WDR41: variants seen among roughly 807,000 people sequenced by gnomAD.
The protein encoded by WDR41 is WD repeat-containing protein 41.
WDR41 carries 63 observed loss-of-function variants against 69.3 expected under a neutral mutation model. That is an observed-to-expected ratio of 0.91 (90% CI 0.74 to 1.12). WDR41 has a LOEUF of 1.12. WDR41 is among the 50% of genes most tolerant of loss of function. The pLI is 0.00. For missense variants in WDR41, 543 were observed against 534.5 expected (o/e 1.02, Z -0.16); for synonymous variants, 185 against 192.1 (o/e 0.96, Z 0.31).
chr5:77,530,001 G>A (rs1289251531), intron 1 of WDR41, among the ~76,000 whole-genome samples: 1 of 147,822 alleles, frequency 6.8e-6, no homozygotes, highest in African/African-American at 2.5e-5. Flanking sequence ...TGTCATAAAG[G>A]CTTCTCTCAA....
intron 1 of WDR41, among the ~76,000 whole-genome samples, chr5:77,552,390 A>C (rs992855947): frequency 1.3e-5 from 2 of 152,232 alleles, no homozygotes; most frequent in African/African-American, 4.8e-5. Flanking sequence ...AAGTCAAAGA[A>C]GACTTAAATA....
rs114860684 is a variant in WDR41 at position 77,577,060 on chromosome 5, G to A, written c.42+43419C>T. Among the ~76,000 whole-genome samples the A allele has an allele frequency of 4.9e-3, 752 of 152,220 alleles. 2 individuals are homozygous for A. Among genetic ancestry groups the A allele is most frequent in the African/African-American group, 0.017 (724 of 41,526 alleles). ...ACTGGGGACTTCACAAGAAGACCAC[G>A]ATTTTTCTCCTCAGCCTAGCCACAA... On this transcript the variant is annotated intron_variant, in intron 1 of 5. Transcript: ENST00000509971.
At chr5:77,491,983 G>C (rs41104) in intron 1 of WDR41, 187 bp downstream of exon 1, 337,669 of 688,690 alleles carry the variant, frequency 0.49, 86,816 homozygotes, top group African/African-American at 0.73. Flanking sequence ...GTCCCGCCGG[G>C]TCTGAGGAGC....
chr5:77,555,704 T>A (rs1020562493), intron 1 of WDR41, among the ~76,000 whole-genome samples: 2 of 152,158 alleles, frequency 1.3e-5, no homozygotes, highest in African/African-American at 4.8e-5. Context: ...AAGATCCTTA[T>A]GAAGAAATTA....
intron 1 of WDR41, among the ~76,000 whole-genome samples, chr5:77,544,488 A>G (rs1196407073): frequency 6.6e-6 from 1 of 152,104 alleles, no homozygotes; most frequent in Non-Finnish European, 1.5e-5. Context: ...ATTTCAAGCA[A>G]AGGGACAATG....
chr5:77,467,087 A>G (rs542947142), intron 2 of WDR41, among the ~76,000 whole-genome samples: 2 of 152,034 alleles, frequency 1.3e-5, no homozygotes, highest in South Asian at 4.1e-4. Context: ...AATACAACCC[A>G]AGAATTCCTA....
chr5:77,450,153 C>T (rs905223245), intron 7 of WDR41, among the ~76,000 whole-genome samples: 6 of 152,170 alleles, frequency 3.9e-5, no homozygotes, highest in Non-Finnish European at 7.4e-5. Flanking sequence ...AGGGTTTCAA[C>T]GGATGTCTTG....
At chr5:77,473,320 A>C (rs952277844) in intron 2 of WDR41, among the ~76,000 whole-genome samples, 7 of 152,242 alleles carry the variant, frequency 4.6e-5, no homozygotes, top group African/African-American at 9.6e-5. Flanking sequence ...CTTAAATGTT[A>C]GACCTAAAAC....
intron 1 of WDR41, among the ~76,000 whole-genome samples, chr5:77,606,666 G>C (rs1036357692): frequency 2.6e-5 from 4 of 151,860 alleles, no homozygotes; most frequent in African/African-American, 9.7e-5. Context: ...ATCCAGGTGT[G>C]GTAGCACACA....
chr5:77,473,299 T>A (rs1357642126), intron 2 of WDR41, among the ~76,000 whole-genome samples: 2 of 152,186 alleles, frequency 1.3e-5, no homozygotes, highest in Non-Finnish European at 2.9e-5. Flanking sequence ...TAATTCAAGA[T>A]GGGTTAAACA....
chr5:77,571,366 G>A (rs770052376), intron 1 of WDR41, among the ~76,000 whole-genome samples: 1 of 151,912 alleles, frequency 6.6e-6, no homozygotes, highest in African/African-American at 2.4e-5. Flanking sequence ...TATTCATGGC[G>A]GGAGGGAAAA....
In WDR41 at chr5:77,432,098, T is replaced by A. The variant is rs903823102; in HGVS notation, c.*1037A>T. Reference sequence around the variant, plus strand: ...AAACTAGTAAAAGAACTTATGGAGATTCCCTTTAGGGTATATTTGTAGTAT... The same window carrying A: ...AAACTAGTAAAAGAACTTATGGAGAATCCCTTTAGGGTATATTTGTAGTAT... On this transcript the variant is annotated 3_prime_UTR_variant, in exon 13 of 13. Transcript: ENST00000296679. 6.6e-6 allele frequency: 1 copy of A among 152,210 alleles called. No individual in the cohort carries two copies. Among genetic ancestry groups the A allele is most frequent in the East Asian group, 1.9e-4 (1 of 5,194 alleles). 9.4% of individuals were successfully genotyped at this position (152,210 alleles called of 1,614,324 possible). A position where few individuals can be genotyped will look rare whatever the true frequency, so the allele number is the denominator to read the frequency against.
At chr5:77,435,426 T>TGAGGGC (rs1798900071) in intron 12 of WDR41, among the ~76,000 whole-genome samples, 1 of 152,200 alleles carries the variant, frequency 6.6e-6, no homozygotes, top group African/African-American at 2.4e-5. Flanking sequence ...GTAAGATCCA[T>TGAGGGC]GAGGGCAAGG....
intron 1 of WDR41, among the ~76,000 whole-genome samples, chr5:77,501,306 GGC>G (rs1160766747): frequency 6.6e-6 from 1 of 152,238 alleles, no homozygotes; most frequent in Admixed American, 6.5e-5. Flanking sequence ...ACTGCAAGGC[GGC>G]AGCCTGGCTT....
At chr5:77,543,026 G>C (rs944763727) in intron 1 of WDR41, among the ~76,000 whole-genome samples, 1 of 152,166 alleles carries the variant, frequency 6.6e-6, no homozygotes, top group East Asian at 1.9e-4. Context: ...TGGTAGACTT[G>C]CTGGATGGCT....
chr5:77,617,269 G>T (rs185633449), intron 1 of WDR41, among the ~76,000 whole-genome samples: 102 of 152,246 alleles, frequency 6.7e-4, no homozygotes, highest in Admixed American at 6.4e-3. Flanking sequence ...TGGTGCTGGT[G>T]GCTACCATAT....
At chr5:77,574,587 T>C (rs1308693698) in intron 1 of WDR41, among the ~76,000 whole-genome samples, 3 of 152,206 alleles carry the variant, frequency 2.0e-5, no homozygotes, top group Non-Finnish European at 4.4e-5. Context: ...CTAAGGCTAA[T>C]GCTTTGACTT....
chr5:77,436,574 C>G (rs1195233745), intron 11 of WDR41, among the ~76,000 whole-genome samples, 180 bp from the exon 12 acceptor site: 1 of 152,188 alleles, frequency 6.6e-6, no homozygotes, highest in Non-Finnish European at 1.5e-5. Flanking sequence ...CTTAGCTAAC[C>G]AGGTCTGTTC....
intron 9 of WDR41, among the ~76,000 whole-genome samples, chr5:77,439,403 A>T (rs72769035): frequency 0.018 from 2,756 of 152,314 alleles, 35 homozygotes; most frequent in Middle Eastern, 0.061. Context: ...CAGGATTAGT[A>T]CTCTGCAATC....
Sources: gnomAD v4.1 joint callset for allele counts (sites outside exome capture counted in the v4.1 genomes callset) on GRCh38, gnomAD v4.1.1 for gene constraint, MANE v1.5 for transcripts, NCBI Gene and HGNC (gene_info 2026-07-23, HGNC 2026-07-21) for gene names.